Variants in TNR observed in about 807,000 individuals in gnomAD.
TNR encodes the protein tenascin R.
TNR carries 45 observed loss-of-function variants against 150.4 expected under a neutral mutation model. The ratio of observed to expected loss-of-function variants is 0.30; its 90% CI spans 0.24 to 0.38. TNR has a LOEUF of 0.38. TNR is among the 10% of genes least tolerant of loss of function. The probability of loss-of-function intolerance (pLI) is 1.00; values close to 1 mark genes in which losing one functional copy is unlikely to be tolerated. For synonymous variants in TNR, 687 were observed against 678.4 expected, an observed-to-expected ratio of 1.01 and a Z score of -0.20; for missense variants, 1,544 against 1,759.1, an observed-to-expected ratio of 0.88 and a Z score of 2.19.
intron 2 of TNR, among the ~76,000 whole-genome samples, chr1:175,483,892 T>C (rs1455572800): frequency 6.6e-6 from 1 of 152,160 alleles, no homozygotes; most frequent in Non-Finnish European, 1.5e-5. Flanking sequence ...TTGCTGCCCA[T>C]GCCACACACA....
At chr1:175,726,561 T>C (rs1421518184) in intron 1 of TNR, among the ~76,000 whole-genome samples, 14 of 152,248 alleles carry the variant, frequency 9.2e-5, no homozygotes, top group Admixed American at 9.2e-4. Context: ...TCCTTGTCTG[T>C]GGTCAGAGAA....
chr1:175,507,854 T>C (rs1449904478), intron 2 of TNR, among the ~76,000 whole-genome samples: 1 of 152,256 alleles, frequency 6.6e-6, no homozygotes, highest in African/African-American at 2.4e-5. Context: ...CTCCAGCATC[T>C]AGCACATCAG....
At chr1:175,723,539 A>G (rs1378915122) in intron 1 of TNR, among the ~76,000 whole-genome samples, 1 of 152,252 alleles carries the variant, frequency 6.6e-6, no homozygotes, top group Non-Finnish European at 1.5e-5. Context: ...GTAGTCTTAT[A>G]TATATGGTTA....
chr1:175,658,461 T>C (rs1323292270), intron 1 of TNR, among the ~76,000 whole-genome samples: 1 of 152,150 alleles, frequency 6.6e-6, no homozygotes, highest in African/African-American at 2.4e-5. Flanking sequence ...AGGCCAAGAA[T>C]GACCTGTGCT....
chr1:175,608,216 A>G (rs896742826), intron 1 of TNR, among the ~76,000 whole-genome samples: 2 of 152,376 alleles, frequency 1.3e-5, no homozygotes, highest in Middle Eastern at 6.8e-3. Flanking sequence ...GAAATTTAAT[A>G]TATAGTAAAG....
At chr1:175,378,413 G>A (rs1225795478) in intron 9 of TNR, among the ~76,000 whole-genome samples, 1 of 152,150 alleles carries the variant, frequency 6.6e-6, no homozygotes, top group Admixed American at 6.5e-5. Context: ...GGTGTAGGGT[G>A]GAGACTGACA....
At chr1:175,664,555 G>A (rs1665473585) in intron 1 of TNR, among the ~76,000 whole-genome samples, 1 of 152,120 alleles carries the variant, frequency 6.6e-6, no homozygotes, top group Admixed American at 6.5e-5. Context: ...AAAAATCAGG[G>A]ATTTCAGAAT....
chr1:175,335,616 C>T, intron 20 of TNR, 95 bp downstream of exon 20: 2 of 1,247,428 alleles, frequency 1.6e-6, no homozygotes, highest in Non-Finnish European at 2.3e-6. Flanking sequence ...TCAACAAACA[C>T]AGGGTTTCTG....
At position 175,337,546 on chromosome 1, in the gene TNR, G is replaced by T; in HGVS notation, c.3516C>A (p.Thr1172=). Residue 1172 remains threonine, a synonymous_variant, in exon 19 of 23, where the codon ACC becomes ACA. Coordinates refer to ENST00000367674, the MANE Select transcript of TNR (RefSeq NM_003285.3). The part of the protein sequence containing the change: ...QKLQVYCDMT[T]DGGGWIVFQR... Reference sequence around the variant, plus strand: ...TACTTACAATCCAGCCGCCCCCGTCGGTGGTCATATCACAGTACACTTGTA... The same window carrying T: ...TACTTACAATCCAGCCGCCCCCGTCTGTGGTCATATCACAGTACACTTGTA... 6.2e-7 allele frequency: 1 copy of T among 1,613,438 alleles called. No individual in the cohort carries two copies. The highest frequency in any genetic ancestry group is 8.5e-7 in the Non-Finnish European group (1 of 1,179,996).
intron 1 of TNR, among the ~76,000 whole-genome samples, chr1:175,687,268 T>G (rs1666228434): frequency 6.6e-6 from 1 of 152,094 alleles, no homozygotes; most frequent in African/African-American, 2.4e-5. Context: ...ACAAGCACCA[T>G]CTCACTTCTC....
intron 14 of TNR, among the ~76,000 whole-genome samples, chr1:175,360,686 T>C (rs1348016822): frequency 2.6e-5 from 4 of 152,172 alleles, no homozygotes; most frequent in Admixed American, 1.3e-4. Flanking sequence ...ATGTCCTTTA[T>C]CACAAAGAAA....
intron 2 of TNR, among the ~76,000 whole-genome samples, chr1:175,440,906 C>A (rs1655756891): frequency 6.6e-6 from 1 of 151,982 alleles, no homozygotes; most frequent in Non-Finnish European, 1.5e-5. Flanking sequence ...GGGATAAGAT[C>A]CAATAAGCAA....
In TNR at chr1:175,487,618, C is replaced by T. The variant is rs74127311; in HGVS notation, c.-64+40651G>A. 3.5e-3 allele frequency among the ~76,000 whole-genome samples: 534 copies of T among 152,280 alleles called. 1 individual carries two copies. The highest frequency in any genetic ancestry group is 0.012 in the African/African-American group (512 of 41,550). On this transcript the variant is annotated intron_variant, in intron 2 of 22. Transcript: ENST00000367674. ...TCAGACAGTCTAAGATTAACCAAAA[C>T]TCCATTAATCCCTGCTTCTGTGATC...
intron 1 of TNR, among the ~76,000 whole-genome samples, chr1:175,657,211 C>T (rs1266419168): frequency 6.6e-6 from 1 of 152,152 alleles, no homozygotes; most frequent in African/African-American, 2.4e-5. Context: ...AAATCAAAAC[C>T]ATAATGAGAT....
At chr1:175,397,232 T>C (rs1480643505) in intron 4 of TNR, among the ~76,000 whole-genome samples, 2 of 152,248 alleles carry the variant, frequency 1.3e-5, no homozygotes. Flanking sequence ...TTAAGATAAT[T>C]TATGTGTGCT....
At chr1:175,417,075 G>GAAAGAAAGAAAGAAAGAAAGAAAGAAAT (rs754333098) in intron 2 of TNR, among the ~76,000 whole-genome samples, 203 of 138,072 alleles carry the variant, frequency 1.5e-3, no homozygotes, top group South Asian at 5.0e-3. Flanking sequence ...AAGAAAGAAA[G>GAAAGAAAGAAAGAAAGAAAGAAAGAAAT]AAATCTAAGA....
intron 14 of TNR, among the ~76,000 whole-genome samples, chr1:175,361,320 G>T (rs1006732975): frequency 2.6e-5 from 4 of 152,198 alleles, no homozygotes; most frequent in Admixed American, 2.6e-4. Flanking sequence ...ATGGGAAAAA[G>T]GCTAATTTCT....
At chr1:175,603,594 T>A (rs889416579) in intron 1 of TNR, among the ~76,000 whole-genome samples, 1 of 152,234 alleles carries the variant, frequency 6.6e-6, no homozygotes, top group African/African-American at 2.4e-5. Flanking sequence ...GGAAGAGTGA[T>A]GCTAGTGGTT....
At chr1:175,644,849 T>C (rs1664763827) in intron 1 of TNR, among the ~76,000 whole-genome samples, 1 of 152,284 alleles carries the variant, frequency 6.6e-6, no homozygotes, top group African/African-American at 2.4e-5. Flanking sequence ...ACACATCTTC[T>C]TTCTGTGTCA....
Sources: gnomAD v4.1 joint callset for allele counts (sites outside exome capture counted in the v4.1 genomes callset) on GRCh38, gnomAD v4.1.1 for gene constraint, MANE v1.5 for transcripts, NCBI Gene and HGNC (gene_info 2026-07-23, HGNC 2026-07-21) for gene names.